The following GAGE10 variants were observed in gnomAD, a reference collection of about 807,000 sequenced individuals.
GAGE10 encodes G antigen 10.
GAGE10 carries 9 observed loss-of-function variants against 11.5 expected under a neutral mutation model. The ratio of observed to expected loss-of-function variants is 0.78; its 90% confidence interval spans 0.47 to 1.37. The LOEUF (loss-of-function observed/expected upper bound fraction) is 1.37, where lower values mean the gene tolerates loss of function less well. Among genes scored for constraint, GAGE10 ranks in the 40% most tolerant of loss-of-function variants. The probability of loss-of-function intolerance (pLI) is 0.00; values close to 1 mark genes in which losing one functional copy is unlikely to be tolerated. For missense variants in GAGE10, 83 were observed against 92.9 expected (o/e 0.89, Z 0.44); for synonymous variants, 23 against 29.7 (o/e 0.77, Z 0.73).
Position 49,305,975 on chromosome X carries a change from C to T in GAGE10, c.202+451C>T, listed in dbSNP as rs868986483. On this transcript the variant is annotated intron_variant, in intron 3 of 4. Transcript: ENST00000407599. ...ACCCAGTTCAGAGGAGCAGGAGCAG[C>T]TCCAAAAACCGAGTCACTGAATGTC... is the stretch of plus-strand genomic sequence containing the variant. 4.1e-4 allele frequency among the ~76,000 whole-genome samples: 46 copies of T among 111,705 alleles called. No homozygotes were observed. In the Middle Eastern group the frequency reaches 0.014, roughly 34 times the overall value.
chrX:49,310,754 G>GCCCC (rs782521648), intron 3 of GAGE10, among the ~76,000 whole-genome samples: 111 of 107,460 alleles, frequency 1.0e-3, no homozygotes, highest in African/African-American at 3.7e-3. Context: ...CACCCGATTA[G>GCCCC]CCCCCCCCCA....
chrX:49,304,047 A>G (rs1388046095), intron 1 of GAGE10, among the ~76,000 whole-genome samples: 1 of 112,059 alleles, frequency 8.9e-6, no homozygotes, highest in African/African-American at 3.2e-5. Context: ...GCTCAGGTGA[A>G]GAAGGGGCGA....
intron 3 of GAGE10, among the ~76,000 whole-genome samples, chrX:49,315,855 T>C (rs2066389922): frequency 8.9e-6 from 1 of 111,815 alleles, no homozygotes; most frequent in South Asian, 3.8e-4. Context: ...ATCCTCCCTT[T>C]TATTTTACCC....
intron 3 of GAGE10, among the ~76,000 whole-genome samples, chrX:49,310,785 G>C (rs1484270417): frequency 1.8e-5 from 2 of 110,895 alleles, no homozygotes; most frequent in Non-Finnish European, 3.8e-5. Context: ...TGCTACTATC[G>C]TAGGGGGTAC....
chrX:49,317,182 T>G lies in GAGE10; in HGVS notation c.222T>G (p.Asp74Glu). 8.3e-7 allele frequency: 1 copy of G among 1,205,949 alleles called. No individual in the cohort carries two copies. The highest frequency in any genetic ancestry group is 1.1e-6 in the Non-Finnish European group (1 of 891,795). Residue 74 changes from aspartate to glutamate, a missense_variant, in exon 4 of 5, where the codon GAT becomes GAG. Around this residue, in one of 3 missense-constraint regions of GAGE10, gnomAD observed 66 missense variants for 35.4 expected, o/e 1.87. Transcript: ENST00000407599. ...SAGQGPKPEA[D>E]SQEQVHPKTG... ...TTTAATGGCCGAAGCCTGAAGCTGA[T>G]AGCCAGGAACAGGTTCACCCAAAGA... is the stretch of plus-strand genomic sequence containing the variant.
At chrX:49,306,769 T>C (rs2066358547) in intron 3 of GAGE10, among the ~76,000 whole-genome samples, 2 of 111,577 alleles carry the variant, frequency 1.8e-5, no homozygotes, top group Admixed American at 9.6e-5. Context: ...GGTGAGAGGA[T>C]TGCTTGAGCC....
At chrX:49,307,772 A>G (rs1168584655) in intron 3 of GAGE10, among the ~76,000 whole-genome samples, 3 of 112,627 alleles carry the variant, frequency 2.7e-5, no homozygotes, top group African/African-American at 3.2e-5. Context: ...TTTGGATTAC[A>G]GTTGTGATGG....
intron 3 of GAGE10, among the ~76,000 whole-genome samples, chrX:49,306,516 A>G (rs1223742268): frequency 2.7e-5 from 3 of 112,262 alleles, no homozygotes; most frequent in East Asian, 5.5e-4. Flanking sequence ...AAGATTTTCC[A>G]TAGTCCTCAA....
Position 49,317,434 on chromosome X carries a change from G to A in GAGE10, c.328+146G>A, listed in dbSNP as rs1458476809. On this transcript the variant is annotated intron_variant, in intron 4 of 4. Coordinates refer to ENST00000407599, the MANE Select transcript of GAGE10 (RefSeq NM_001098413.4). ...GGCATCTCGGCTCATTGGAAATTCCGCCTTCTGGGTTCAAGTGATTCTCCT... is the reference window on the plus strand; with the variant it reads ...GGCATCTCGGCTCATTGGAAATTCCACCTTCTGGGTTCAAGTGATTCTCCT... 2.8e-5 allele frequency: 27 copies of A among 962,435 alleles called. No homozygotes were observed. The Middle Eastern group carries it at 2.4e-3, about 85-fold the overall frequency. 79.3% of individuals were successfully genotyped at this position (962,435 alleles called of 1,213,427 possible).
chrX:49,305,115 T>C (rs1557123931), intron 2 of GAGE10, among the ~76,000 whole-genome samples, 175 bp downstream of exon 2: 2 of 112,547 alleles, frequency 1.8e-5, no homozygotes, highest in Non-Finnish European at 3.8e-5. Flanking sequence ...TCTAGTGTTC[T>C]TCAGCTTTTG....
At chrX:49,313,706 C>T (rs782784259) in intron 3 of GAGE10, among the ~76,000 whole-genome samples, 1 of 111,934 alleles carries the variant, frequency 8.9e-6, no homozygotes, top group Non-Finnish European at 1.9e-5. Context: ...GCAGGTGTCA[C>T]ACCTTGGATT....
At chrX:49,304,680 C>A (rs1193917543) in intron 1 of GAGE10, among the ~76,000 whole-genome samples, 172 bp from the exon 2 acceptor site, 1 of 109,185 alleles carries the variant, frequency 9.2e-6, no homozygotes, top group Non-Finnish European at 1.9e-5. Context: ...GCTTGGCCAG[C>A]ATAAGTGGCT....
At chrX:49,312,614 A>G (rs2066379171) in intron 3 of GAGE10, among the ~76,000 whole-genome samples, 1 of 112,788 alleles carries the variant, frequency 8.9e-6, no homozygotes, top group Admixed American at 9.3e-5. Flanking sequence ...CTGAAGAAAG[A>G]ACTCTAGCAA....
rs143751951 is a variant in GAGE10, at chrX:49,310,453, A to T, written c.202+4929A>T. ...TTGAAAGCCGGCCGAGGCTAGAGAG[A>T]GATTAATGTGCACGGTGCAAAAGGA... On this transcript the variant is annotated intron_variant, in intron 3 of 4. Coordinates refer to ENST00000407599, the MANE Select transcript of GAGE10 (RefSeq NM_001098413.4). 1.3e-4 allele frequency among the ~76,000 whole-genome samples: 14 copies of T among 111,726 alleles called. No individual in the cohort carries two copies. In the East Asian group the frequency reaches 3.6e-3, roughly 29 times the overall value.
intron 4 of GAGE10, 53 bp downstream of exon 4, chrX:49,317,341 G>A (rs782226804): frequency 2.4e-5 from 28 of 1,154,328 alleles, no homozygotes; most frequent in South Asian, 7.3e-5. Context: ...CCACAGTATC[G>A]TATCATAATT....
intron 1 of GAGE10, among the ~76,000 whole-genome samples, chrX:49,304,127 T>A (rs1273569358): frequency 9.0e-6 from 1 of 111,597 alleles, no homozygotes; most frequent in African/African-American, 3.3e-5. Flanking sequence ...GGGAGATCCC[T>A]GAATGAGGTC....
At chrX:49,310,763 C>CCCA (rs58340327) in intron 3 of GAGE10, among the ~76,000 whole-genome samples, 2 of 110,677 alleles carry the variant, frequency 1.8e-5, no homozygotes, top group African/African-American at 6.6e-5. Context: ...AGCCCCCCCC[C>CCCA]ACAAAGAACT....
chrX:49,317,888 C>G (rs2066400340), intron 4 of GAGE10, among the ~76,000 whole-genome samples: 1 of 78,621 alleles, frequency 1.3e-5, no homozygotes, highest in Non-Finnish European at 2.4e-5. Flanking sequence ...ATACATAACA[C>G]GTTTGTAACA....
intron 3 of GAGE10, among the ~76,000 whole-genome samples, chrX:49,307,617 T>A (rs2147985324): frequency 9.0e-6 from 1 of 111,394 alleles, no homozygotes; most frequent in South Asian, 3.8e-4. Context: ...TAGCTAGGAC[T>A]ACAGGGCCTG....
Sources: gnomAD v4.1 joint callset for allele counts (sites outside exome capture counted in the v4.1 genomes callset) on GRCh38, gnomAD v4.1.1 for gene constraint, gnomAD v4.1.1 regional missense constraint, MANE v1.5 for transcripts, NCBI Gene and HGNC (gene_info 2026-07-23, HGNC 2026-07-21) for gene names.